The following FGD4 variants were observed in gnomAD, a reference collection of about 807,000 sequenced individuals.
FGD4 encodes the protein FYVE, RhoGEF and PH domain-containing protein 4.
Under a neutral mutation model 102.0 loss-of-function variants are expected in FGD4, and 42 were observed. The ratio of observed to expected loss-of-function variants is 0.41; its 90% confidence interval spans 0.32 to 0.53. The LOEUF (loss-of-function observed/expected upper bound fraction) is 0.53. Ranked by LOEUF, FGD4 falls within the 20% of genes least tolerant of loss-of-function variation. The pLI is 0.21. For missense variants in FGD4, 902 were observed against 1,078.2 expected (o/e 0.84, Z 2.29); for synonymous variants, 380 against 375.7 (o/e 1.01, Z -0.13).
rs993472989 is a variant in FGD4, at chr12:32,399,562, A to G, written c.-232A>G. Reference sequence around the variant, plus strand: ...CTTTGAGTGAGTGCGGGAGCTGCAGATACCGAGACGCTGCGACTGCCGCAG... The same window carrying G: ...CTTTGAGTGAGTGCGGGAGCTGCAGGTACCGAGACGCTGCGACTGCCGCAG... On this transcript the variant is annotated 5_prime_UTR_variant, in exon 1 of 17. Coordinates refer to ENST00000534526, the MANE Select transcript of FGD4 (RefSeq NM_001370298.3). The G allele has an allele frequency of 8.5e-6, 9 of 1,061,380 alleles. No individual in the cohort carries two copies. Among genetic ancestry groups the G allele is most frequent in the Non-Finnish European group, 1.2e-5 (9 of 775,572 alleles). 65.7% of individuals were successfully genotyped at this position (1,061,380 alleles called of 1,614,324 possible).
At chr12:32,436,634 C>T (rs1444084838) in intron 1 of FGD4, among the ~76,000 whole-genome samples, 1 of 152,140 alleles carries the variant, frequency 6.6e-6, no homozygotes, top group Non-Finnish European at 1.5e-5. Context: ...TAAGCTTTTT[C>T]CCTATCCCTT....
intron 14 of FGD4, among the ~76,000 whole-genome samples, chr12:32,632,705 A>ATT (rs1275380016): frequency 0.016 from 2,053 of 124,896 alleles, 44 homozygotes; most frequent in African/African-American, 0.059. Flanking sequence ...TTATTTATTT[A>ATT]TTTATTTATT....
chr12:32,521,202 C>T (rs985101227), intron 1 of FGD4, among the ~76,000 whole-genome samples: 11 of 151,832 alleles, frequency 7.2e-5, no homozygotes, highest in African/African-American at 1.5e-4. Context: ...TCCTGGCCAA[C>T]GTGGCAAAAC....
chr12:32,469,446 T>G (rs1477959409), intron 1 of FGD4, among the ~76,000 whole-genome samples: 1 of 150,128 alleles, frequency 6.7e-6, no homozygotes, highest in South Asian at 2.1e-4. Flanking sequence ...GCCTGGATAA[T>G]TTTTTTGTAT....
intron 4 of FGD4, among the ~76,000 whole-genome samples, chr12:32,592,499 AATGGCTTC>A (rs1947566531): frequency 6.6e-6 from 1 of 152,068 alleles, no homozygotes; most frequent in Non-Finnish European, 1.5e-5. Context: ...TGCAAGAATA[AATGGCTTC>A]ATGGTAAAGC....
At chr12:32,459,189 C>CT (rs60125522) in intron 1 of FGD4, among the ~76,000 whole-genome samples, 33,020 of 114,404 alleles carry the variant, frequency 0.29, 5,945 homozygotes, top group East Asian at 0.45. Flanking sequence ...TTTGACACTG[C>CT]TTTTTTTTTT....
intron 2 of FGD4, among the ~76,000 whole-genome samples, chr12:32,573,788 C>G (rs1479069439): frequency 6.6e-6 from 1 of 152,178 alleles, no homozygotes; most frequent in Non-Finnish European, 1.5e-5. Flanking sequence ...TCACTTTTAT[C>G]AACATCATTA....
intron 1 of FGD4, among the ~76,000 whole-genome samples, chr12:32,412,962 A>G (rs11051993): frequency 0.099 from 13,204 of 133,890 alleles, 758 homozygotes; most frequent in Middle Eastern, 0.21. Flanking sequence ...TGTGGTCCCA[A>G]CTACTCAGGG....
chr12:32,560,885 G>A lies in FGD4; in HGVS notation c.167-3252G>A, dbSNP rs554844563. ...TTTTTATTTTTTTTAAGTAAAGGCA[G>A]GGTCTTATGTTGCCCAGGCTGGTCT... On this transcript the variant is annotated intron_variant, in intron 1 of 16. Coordinates refer to ENST00000534526, the MANE Select transcript of FGD4 (RefSeq NM_001370298.3). Among the ~76,000 whole-genome samples, 10 of 151,850 alleles carry A rather than the reference G, an allele frequency of 6.6e-5. No homozygotes were observed. In the East Asian group the frequency reaches 1.7e-3, roughly 26 times the overall value.
intron 1 of FGD4, among the ~76,000 whole-genome samples, chr12:32,447,091 G>T (rs1345624280): frequency 6.6e-6 from 1 of 152,110 alleles, no homozygotes; most frequent in African/African-American, 2.4e-5. Context: ...AATCATATAG[G>T]TTAAAGGAAA....
At chr12:32,529,841 TAA>T (rs78510499) in intron 1 of FGD4, among the ~76,000 whole-genome samples, 2 of 109,890 alleles carry the variant, frequency 1.8e-5, no homozygotes, top group East Asian at 2.5e-4. Flanking sequence ...AGACTCTGTC[TAA>T]AAAAAAAAAA....
chr12:32,625,148 C>A, intron 13 of FGD4, 80 bp downstream of exon 13: 2 of 1,220,458 alleles, frequency 1.6e-6, no homozygotes, highest in Non-Finnish European at 2.4e-6. Flanking sequence ...ATTTTGTTCT[C>A]CAACCTTTTC....
intron 1 of FGD4, among the ~76,000 whole-genome samples, chr12:32,496,064 C>A (rs1937797982): frequency 6.6e-6 from 1 of 152,122 alleles, no homozygotes; most frequent in Non-Finnish European, 1.5e-5. Flanking sequence ...ATAAATAAAT[C>A]CCTGGTATCA....
At chr12:32,550,819 A>G (rs1045895026) in intron 1 of FGD4, among the ~76,000 whole-genome samples, 1 of 152,188 alleles carries the variant, frequency 6.6e-6, no homozygotes, top group Non-Finnish European at 1.5e-5. Context: ...AAACGTTTTT[A>G]GAATCCAGGA....
chr12:32,616,695 A>G (rs1325158128), intron 10 of FGD4, among the ~76,000 whole-genome samples: 1 of 152,206 alleles, frequency 6.6e-6, no homozygotes, highest in Non-Finnish European at 1.5e-5. Context: ...CTGGAAAACC[A>G]AACTGTATTT....
At chr12:32,442,840 G>A (rs1230515079) in intron 1 of FGD4, among the ~76,000 whole-genome samples, 1 of 152,184 alleles carries the variant, frequency 6.6e-6, no homozygotes, top group Admixed American at 6.5e-5. Flanking sequence ...TTACAGGCAT[G>A]AGCCACTGTG....
In FGD4 at chr12:32,582,031, G is replaced by C; in HGVS notation, c.575G>C (p.Arg192Thr). Residue 192 changes from arginine to threonine, a missense_variant, in exon 4 of 17, where the codon AGG becomes ACG. Arg to Thr is a moderately conservative substitution (Grantham distance 71, BLOSUM62 -1). Transcript: ENST00000534526. ...VNLNAPRTPG[R>T]HGLTTTPQQK... ...CTAAATGCTCCTAGAACCCCAGGAA[G>C]GCATGGATTGACAACCACACCTCAA... The C allele has an allele frequency of 6.2e-7, 1 of 1,614,188 alleles. No homozygotes were observed. The highest frequency in any genetic ancestry group is 1.1e-5 in the South Asian group (1 of 91,090).
chr12:32,591,046 T>A (rs1394504646), intron 4 of FGD4, among the ~76,000 whole-genome samples: 3 of 152,216 alleles, frequency 2.0e-5, no homozygotes, highest in African/African-American at 7.2e-5. Context: ...ATGCATCTGA[T>A]AAATTGTGGT....
At chr12:32,511,747 G>A (rs1002676541) in intron 1 of FGD4, 7 of 152,150 alleles carry the variant, frequency 4.6e-5, no homozygotes, top group Non-Finnish European at 4.4e-5. Flanking sequence ...AAGGAACAAG[G>A]ACTTTTAGTC....
Sources: allele counts gnomAD v4.1 joint callset (sites outside exome capture counted in the v4.1 genomes callset), GRCh38; gene constraint gnomAD v4.1.1; transcripts MANE v1.5; gene names NCBI Gene and HGNC (gene_info 2026-07-23, HGNC 2026-07-21).